The following CYP2B6 variants were observed in gnomAD, a reference collection of about 807,000 sequenced individuals.
CYP2B6 encodes cytochrome P450 2B6.
Under a neutral mutation model 43.4 loss-of-function variants are expected in CYP2B6, and 35 were observed. The ratio of observed to expected loss-of-function variants is 0.81; its 90% CI spans 0.62 to 1.07. The LOEUF (loss-of-function observed/expected upper bound fraction) is 1.07. CYP2B6 is among the 50% of genes least tolerant of loss of function. The probability of loss-of-function intolerance (pLI) is 0.00; values close to 1 mark genes in which losing one functional copy is unlikely to be tolerated. For missense variants in CYP2B6, 624 were observed against 632.8 expected (o/e 0.99, Z 0.15); for synonymous variants, 239 against 239.2 (o/e 1.00, Z 0.01).
In CYP2B6 at chr19:40,996,511, G is replaced by A. The variant is rs570561887; in HGVS notation, c.171+5035G>A. Among the ~76,000 whole-genome samples, 76 of 152,252 alleles carry A rather than the reference G, an allele frequency of 5.0e-4. 1 individual carries two copies. In the South Asian group the frequency reaches 0.016, roughly 31 times the overall value. Reference sequence around the variant, plus strand: ...GCAGTTGAATTAACTCCAGCTTCAAGTGTTCAAATGATCTACCAAGTGCCA... The same window carrying A: ...GCAGTTGAATTAACTCCAGCTTCAAATGTTCAAATGATCTACCAAGTGCCA... On this transcript the variant is annotated intron_variant, in intron 1 of 8. Coordinates refer to ENST00000324071, the MANE Select transcript of CYP2B6 (RefSeq NM_000767.5).
intron 1 of CYP2B6, among the ~76,000 whole-genome samples, chr19:40,996,322 A>G (rs956782784): frequency 1.3e-5 from 2 of 152,182 alleles, no homozygotes; most frequent in Non-Finnish European, 2.9e-5. Context: ...TAACTGTTTT[A>G]CCACTTGTCT....
chr19:41,014,268 T>G (rs1205646048), intron 8 of CYP2B6, among the ~76,000 whole-genome samples: 172 of 152,092 alleles, frequency 1.1e-3, no homozygotes, highest in African/African-American at 4.0e-3. Context: ...ATGGCTTGAA[T>G]GTCAATGTCT....
intron 1 of CYP2B6, among the ~76,000 whole-genome samples, chr19:41,000,011 A>G (rs1686226468): frequency 6.6e-6 from 1 of 152,100 alleles, no homozygotes; most frequent in Admixed American, 6.6e-5. Flanking sequence ...CCTTTATTGC[A>G]GCAAAGATTT....
At chr19:41,013,013 T>A in intron 8 of CYP2B6, 198 bp downstream of exon 8, 3 of 667,264 alleles carry the variant, frequency 4.5e-6, no homozygotes, top group Non-Finnish European at 7.8e-6. Context: ...AGGCACATCT[T>A]GGCAAGCAGG....
chr19:40,994,845 T>C (rs888575776), intron 1 of CYP2B6, among the ~76,000 whole-genome samples: 10 of 152,146 alleles, frequency 6.6e-5, no homozygotes, highest in African/African-American at 2.4e-4. Flanking sequence ...ACATAATCAC[T>C]ACTAAATATT....
chr19:41,012,274 T>G (rs1276787169), intron 6 of CYP2B6, 24 bp from the exon 7 acceptor site: 2 of 1,611,988 alleles, frequency 1.2e-6, no homozygotes, highest in Non-Finnish European at 8.5e-7. Context: ...AAAATGAGAT[T>G]CATTGGTCTT....
At chr19:41,009,776 G>GA in intron 5 of CYP2B6, 1 of 616,734 alleles carries the variant, frequency 1.6e-6, no homozygotes, top group Non-Finnish European at 2.9e-6. Flanking sequence ...AAAGAGATGT[G>GA]GAGAGAGATA....
chr19:41,001,464 A>C (rs1189508145), intron 1 of CYP2B6, among the ~76,000 whole-genome samples: 1 of 152,068 alleles, frequency 6.6e-6, no homozygotes. Flanking sequence ...TTTCCCAATA[A>C]GCTTCCAGAT....
At chr19:41,003,742 C>A (rs115786370) in intron 1 of CYP2B6, among the ~76,000 whole-genome samples, 198 of 152,168 alleles carry the variant, frequency 1.3e-3, no homozygotes, top group African/African-American at 4.6e-3. Flanking sequence ...TCCAGTGATA[C>A]ACAGAAAGGA....
rs1969392216 is a variant in CYP2B6, at chr19:41,017,729, A to G, written c.*902A>G. On this transcript the variant is annotated 3_prime_UTR_variant, in exon 9 of 9. Transcript: ENST00000324071. Reference sequence around the variant, plus strand: ...TTATCTCTCCCCCAACAAAACCCATACCTATCAAGCTGTCACTCCCCATAC... The same window carrying G: ...TTATCTCTCCCCCAACAAAACCCATGCCTATCAAGCTGTCACTCCCCATAC... The G allele has an allele frequency of 6.6e-6, 1 of 151,690 alleles. No individual in the cohort carries two copies. The highest frequency in any genetic ancestry group is 6.6e-5 in the Admixed American group (1 of 15,228). 9.4% of individuals were successfully genotyped at this position (151,690 alleles called of 1,614,324 possible).
intron 6 of CYP2B6, among the ~76,000 whole-genome samples, chr19:41,010,400 T>TG (rs1403336843): frequency 6.7e-6 from 1 of 149,646 alleles, no homozygotes; most frequent in African/African-American, 2.5e-5. Context: ...GTTTGTTTTT[T>TG]GTTTTTTGGT....
chr19:41,005,597 A>G (rs1218527567), intron 3 of CYP2B6, among the ~76,000 whole-genome samples: 1 of 152,102 alleles, frequency 6.6e-6, no homozygotes, highest in Non-Finnish European at 1.5e-5. Flanking sequence ...CCTGGCCAAC[A>G]TGGTGAAACC....
chr19:41,003,820 C>G, intron 1 of CYP2B6, 181 bp from the exon 2 acceptor site: 4 of 798,368 alleles, frequency 5.0e-6, no homozygotes, highest in Non-Finnish European at 8.5e-6. Context: ...TGTATTCTCT[C>G]CCTTGGACAG....
intron 1 of CYP2B6, among the ~76,000 whole-genome samples, chr19:41,001,359 T>A (rs531389469): frequency 1.3e-5 from 2 of 152,154 alleles, no homozygotes; most frequent in Admixed American, 1.3e-4. Flanking sequence ...TTCACGACCA[T>A]CTATTATGAT....
chr19:40,992,017 C>T (rs542352504), intron 1 of CYP2B6, among the ~76,000 whole-genome samples: 2 of 152,132 alleles, frequency 1.3e-5, no homozygotes, highest in South Asian at 2.1e-4. Flanking sequence ...GCCTGGCCAA[C>T]ATGGTGAAAC....
chr19:41,002,113 C>A (rs1198461302), intron 1 of CYP2B6, among the ~76,000 whole-genome samples: 1 of 152,008 alleles, frequency 6.6e-6, no homozygotes, highest in Non-Finnish European at 1.5e-5. Flanking sequence ...ACCATGTGAA[C>A]CCTCAGTGGA....
At chr19:40,995,438 C>T (rs571718008) in intron 1 of CYP2B6, among the ~76,000 whole-genome samples, 115 of 152,216 alleles carry the variant, frequency 7.6e-4, no homozygotes, top group South Asian at 1.2e-3. Flanking sequence ...GAACTTGGTA[C>T]GGTCTCTTCC....
At position 41,003,367 on chromosome 19, in the gene CYP2B6, G is replaced by C. The variant is rs532953449; in HGVS notation, c.172-634G>C. On this transcript the variant is annotated intron_variant, in intron 1 of 8. Transcript: ENST00000324071. ...ACATGGTGGACAAAGGATGATTCGTGTCCGGGGTGGGACAGAGTGGATGGT... is the reference window on the plus strand; with the variant it reads ...ACATGGTGGACAAAGGATGATTCGTCTCCGGGGTGGGACAGAGTGGATGGT... Among the ~76,000 whole-genome samples the C allele has an allele frequency of 9.2e-5, 14 of 152,186 alleles. No individual in the cohort carries two copies. The South Asian group carries it at 2.9e-3, about 32-fold the overall frequency.
intron 6 of CYP2B6, among the ~76,000 whole-genome samples, chr19:41,010,401 GTTTTTT>G (rs1433370775): frequency 6.9e-6 from 1 of 145,830 alleles, no homozygotes; most frequent in Non-Finnish European, 1.5e-5. Flanking sequence ...TTTGTTTTTT[GTTTTTT>G]GGTTTTTTTT....
Sources: gnomAD v4.1 joint callset for allele counts (sites outside exome capture counted in the v4.1 genomes callset) on GRCh38, gnomAD v4.1.1 for gene constraint, MANE v1.5 for transcripts, NCBI Gene and HGNC (gene_info 2026-07-23, HGNC 2026-07-21) for gene names.